Variants in PCDHA6 observed in about 807,000 individuals in gnomAD.
PCDHA6 encodes the protein protocadherin alpha 6, also known as protocadherin alpha-6.
Under a neutral mutation model 60.3 loss-of-function variants are expected in PCDHA6, and 55 were observed. That is an observed-to-expected ratio of 0.91 (90% CI 0.73 to 1.14). PCDHA6 has a LOEUF of 1.14. PCDHA6 is among the 50% of genes most tolerant of loss of function. The pLI is 0.00. For synonymous variants in PCDHA6, 652 were observed against 557.9 expected, an observed-to-expected ratio of 1.17 and a Z score of -2.38; for missense variants, 1,327 against 1,256.5, an observed-to-expected ratio of 1.06 and a Z score of -0.85.
chr5:140,901,815 A>T (rs1339282567), intron 1 of PCDHA6, among the ~76,000 whole-genome samples: 1 of 152,122 alleles, frequency 6.6e-6, no homozygotes, highest in African/African-American at 2.4e-5. Context: ...TACAATATTG[A>T]TTCTTCCAGT....
At chr5:140,937,789 G>A (rs1413517840) in intron 1 of PCDHA6, among the ~76,000 whole-genome samples, 1 of 151,816 alleles carries the variant, frequency 6.6e-6, no homozygotes, top group Non-Finnish European at 1.5e-5. Flanking sequence ...GCGGGCGTAT[G>A]TAGTCCCAGC....
chr5:140,907,239 C>A (rs1447900433), intron 1 of PCDHA6, among the ~76,000 whole-genome samples: 1 of 152,200 alleles, frequency 6.6e-6, no homozygotes, highest in African/African-American at 2.4e-5. Flanking sequence ...ACCTAGTTGA[C>A]ATTGTAATTG....
intron 1 of PCDHA6, among the ~76,000 whole-genome samples, chr5:140,886,698 C>A (rs578140955): frequency 2.0e-5 from 3 of 151,820 alleles, no homozygotes; most frequent in Non-Finnish European, 4.4e-5. Flanking sequence ...TGGTGGCACG[C>A]GCCTGTAATC....
At position 140,828,556 on chromosome 5, in the gene PCDHA6, G is replaced by A; in HGVS notation, c.465G>A (p.Glu155=). 1 of 1,614,252 alleles carries A rather than the reference G, an allele frequency of 6.2e-7. No individual in the cohort carries two copies. ...TGCCAGATTCTGTGTTTCCACTGGA[G>A]GGCGCGTCCGATGCAGATGTTGGCT... ...SRLPDSVFPL[E]GASDADVGSN... The change falls in exon 1 of 4, where the codon GAG becomes GAA. Residue 155 remains glutamate (E), a synonymous_variant. Transcript: ENST00000529310.
intron 1 of PCDHA6, among the ~76,000 whole-genome samples, chr5:140,881,694 G>C (rs1375930995): frequency 6.6e-6 from 1 of 152,126 alleles, no homozygotes; most frequent in Non-Finnish European, 1.5e-5. Flanking sequence ...TCCTTTTGGA[G>C]TCAATGGCTG....
chr5:140,895,617 G>A (rs782388218), intron 1 of PCDHA6, among the ~76,000 whole-genome samples: 2 of 152,084 alleles, frequency 1.3e-5, no homozygotes, highest in Non-Finnish European at 2.9e-5. Context: ...CTCATTGAGG[G>A]TGTTGTCTTT....
At chr5:141,003,331 TTTTG>T (rs1554259005) in intron 3 of PCDHA6, among the ~76,000 whole-genome samples, 2 of 152,142 alleles carry the variant, frequency 1.3e-5, no homozygotes, top group Non-Finnish European at 2.9e-5. Flanking sequence ...GGGCAGGGTT[TTTTG>T]TTTGTTTGCT....
intron 1 of PCDHA6, among the ~76,000 whole-genome samples, chr5:140,831,505 C>T (rs1412107675): frequency 7.1e-6 from 1 of 140,118 alleles, no homozygotes; most frequent in Non-Finnish European, 1.5e-5. Context: ...ACACGAGCAC[C>T]ACCATGCCCC....
intron 1 of PCDHA6, chr5:140,881,278 T>G: frequency 5.4e-6 from 4 of 743,002 alleles, no homozygotes; most frequent in Non-Finnish European, 6.6e-6. Flanking sequence ...TGAAGTAAGA[T>G]GGAGAGAGAA....
At chr5:140,958,495 C>A (rs559117374) in intron 1 of PCDHA6, among the ~76,000 whole-genome samples, 1 of 152,020 alleles carries the variant, frequency 6.6e-6, no homozygotes, top group Non-Finnish European at 1.5e-5. Flanking sequence ...TCCACATATC[C>A]TAGGAGGCAT....
At position 140,869,199 on chromosome 5, in the gene PCDHA6, C is replaced by G. The variant is rs1315511579; in HGVS notation, c.2394+38714C>G. 8 of 1,613,906 alleles carry G rather than the reference C, an allele frequency of 5.0e-6. No individual in the cohort carries two copies. In the African/African-American group the frequency reaches 1.1e-4, roughly 22 times the overall value. On this transcript the variant is annotated intron_variant, in intron 1 of 3. Coordinates refer to ENST00000529310, the MANE Select transcript of PCDHA6 (RefSeq NM_018909.4). The stretch of plus-strand genomic sequence containing the variant: ...GGGAGGTGGGGAGCGGCCAGCTCCA[C>G]TACTCCGTCTCGGAGGAGGCCAAAC...
intron 1 of PCDHA6, chr5:140,855,950 C>A: frequency 7.3e-7 from 1 of 1,363,922 alleles, no homozygotes; most frequent in Non-Finnish European, 1.0e-6. Flanking sequence ...TCAGCCATTT[C>A]GATAAAAAAT....
At chr5:140,981,479 C>T (rs1275257398) in intron 2 of PCDHA6, among the ~76,000 whole-genome samples, 20 of 152,148 alleles carry the variant, frequency 1.3e-4, no homozygotes, top group African/African-American at 4.8e-4. Flanking sequence ...GAGGCTGAGG[C>T]AGGAGAATTG....
chr5:140,968,029 G>C (rs1554230214), intron 1 of PCDHA6: 4 of 1,614,170 alleles, frequency 2.5e-6, no homozygotes, highest in South Asian at 2.2e-5. Context: ...CCTATACACT[G>C]GTGGTGAGCG....
At position 140,978,994 on chromosome 5, in the gene PCDHA6, GCAGGCATGCA is replaced by G; in HGVS notation, c.2445_2453+1del. 3 of 1,614,152 alleles carry G rather than the reference GCAGGCATGCA, an allele frequency of 1.9e-6. No homozygotes were observed. The highest frequency in any genetic ancestry group is 8.5e-7 in the Non-Finnish European group (1 of 1,180,022). ...CTGGCGTTACTCTGCCTCCCTGAGA[GCAGGCATGCA>G]CAGGTATGTATTTCCCTCCTCATTC... On this transcript the variant is annotated frameshift_variant, in exon 2 of 4. Transcript: ENST00000529310. LOFTEE classifies it high-confidence loss of function.
At chr5:140,870,618 C>A in intron 1 of PCDHA6, 1 of 1,613,174 alleles carries the variant, frequency 6.2e-7, no homozygotes, top group Non-Finnish European at 8.5e-7. Context: ...CGCTGTCGAG[C>A]TACGTGTCGG....
At chr5:140,988,294 G>A (rs2097291713) in intron 3 of PCDHA6, among the ~76,000 whole-genome samples, 1 of 152,206 alleles carries the variant, frequency 6.6e-6, no homozygotes, top group South Asian at 2.1e-4. Context: ...TGACAGCCCA[G>A]GAGTGCCAGC....
chr5:140,863,469 G>A (rs2153224585), intron 1 of PCDHA6: 1 of 498,172 alleles, frequency 2.0e-6, no homozygotes, highest in Non-Finnish European at 4.0e-6. Context: ...TTACTCTGGA[G>A]AGTCGCCTCC....
At position 140,843,279 on chromosome 5, in the gene PCDHA6, A is replaced by T. The variant is rs1778750894; in HGVS notation, c.2394+12794A>T. 3.8e-6 allele frequency: 6 copies of T among 1,595,936 alleles called. 2 individuals carry two copies. Among genetic ancestry groups the T allele is most frequent in the Non-Finnish European group, 4.3e-6 (5 of 1,165,554 alleles). On this transcript the variant is annotated intron_variant, in intron 1 of 3. Coordinates refer to ENST00000529310, the MANE Select transcript of PCDHA6 (RefSeq NM_018909.4). ...CACCGTCTGCTGGTCCTGGTGAAGGATCATGGTGAACCTGCGCTGACCGCC... is the reference window on the plus strand; with the variant it reads ...CACCGTCTGCTGGTCCTGGTGAAGGTTCATGGTGAACCTGCGCTGACCGCC...
Sources: gnomAD v4.1 joint callset for allele counts (sites outside exome capture counted in the v4.1 genomes callset) on GRCh38, gnomAD v4.1.1 for gene constraint, MANE v1.5 for transcripts, NCBI Gene and HGNC (gene_info 2026-07-23, HGNC 2026-07-21) for gene names.